EML6: variants seen among roughly 807,000 people sequenced by gnomAD.
EML6 encodes EMAP like 6.
Under a neutral mutation model 240.1 loss-of-function variants are expected in EML6, and 154 were observed. The observed-to-expected ratio is 0.64, with a 90% CI of 0.56 to 0.73. The LOEUF is 0.73. Among genes scored for constraint, EML6 ranks in the 30% least tolerant of loss-of-function variants. The pLI is 0.00. For missense variants in EML6, 2,964 were observed against 2,474.6 expected (o/e 1.20, Z -4.20); for synonymous variants, 1,148 against 899.0 (o/e 1.28, Z -4.95).
At chr2:54,927,179 C>A (rs1022555180) in intron 26 of EML6, among the ~76,000 whole-genome samples, 2 of 152,206 alleles carry the variant, frequency 1.3e-5, no homozygotes, top group African/African-American at 4.8e-5. Context: ...CTGTTTGCTT[C>A]AGGAATCTTT....
chr2:54,854,239 C>T (rs12713280), intron 11 of EML6, among the ~76,000 whole-genome samples: 33,464 of 152,028 alleles, frequency 0.22, 4,039 homozygotes, highest in Middle Eastern at 0.29. Flanking sequence ...CAAAGGAAAT[C>T]CTTTCAGACA....
intron 16 of EML6, among the ~76,000 whole-genome samples, chr2:54,876,133 G>C (rs974944372): frequency 6.6e-6 from 1 of 152,120 alleles, no homozygotes; most frequent in Non-Finnish European, 1.5e-5. Context: ...AGATGGGAAA[G>C]GACATTACCT....
At chr2:54,938,885 TG>T (rs1256984970) in intron 28 of EML6, among the ~76,000 whole-genome samples, 1 of 152,216 alleles carries the variant, frequency 6.6e-6, no homozygotes, top group African/African-American at 2.4e-5. Flanking sequence ...TTTCTGTTGG[TG>T]GGAGACCTGG....
chr2:54,750,867 A>G (rs1684131773), intron 2 of EML6, among the ~76,000 whole-genome samples: 1 of 152,220 alleles, frequency 6.6e-6, no homozygotes, highest in Non-Finnish European at 1.5e-5. Flanking sequence ...TTGTCCGATC[A>G]GTGCAAGAAA....
At chr2:54,876,323 C>CG (rs1671505876) in intron 16 of EML6, among the ~76,000 whole-genome samples, 1 of 152,100 alleles carries the variant, frequency 6.6e-6, no homozygotes, top group South Asian at 2.1e-4. Context: ...CCGCAGAACT[C>CG]GGGGAAGTCA....
At chr2:54,907,799 A>G (rs907777271) in intron 24 of EML6, among the ~76,000 whole-genome samples, 28 of 152,210 alleles carry the variant, frequency 1.8e-4, no homozygotes, top group African/African-American at 6.8e-4. Flanking sequence ...CTGTTATTCA[A>G]GAGCAATTAT....
intron 2 of EML6, among the ~76,000 whole-genome samples, chr2:54,759,099 T>C (rs996637301): frequency 2.0e-5 from 3 of 151,738 alleles, no homozygotes; most frequent in African/African-American, 7.3e-5. Context: ...CTCCATTAGG[T>C]GGATGTTTTC....
At chr2:54,924,421 A>C (rs1674431676) in intron 26 of EML6, among the ~76,000 whole-genome samples, 2 of 152,018 alleles carry the variant, frequency 1.3e-5, no homozygotes, top group Non-Finnish European at 2.9e-5. Flanking sequence ...CATTGTTTTA[A>C]ATTATCTTTT....
At chr2:54,878,098 A>G (rs547630261) in intron 16 of EML6, among the ~76,000 whole-genome samples, 2 of 152,240 alleles carry the variant, frequency 1.3e-5, no homozygotes, top group African/African-American at 4.8e-5. Flanking sequence ...AATAAGGATA[A>G]ATATGTAATA....
At chr2:54,920,982 A>G (rs1271194662) in intron 26 of EML6, among the ~76,000 whole-genome samples, 2 of 152,104 alleles carry the variant, frequency 1.3e-5, no homozygotes, top group African/African-American at 2.4e-5. Flanking sequence ...AAACACTTCA[A>G]TTAGATATAG....
chr2:54,969,767 C>T (rs1051590877), intron 41 of EML6, among the ~76,000 whole-genome samples: 3 of 152,148 alleles, frequency 2.0e-5, no homozygotes, highest in African/African-American at 7.2e-5. Flanking sequence ...GGTGATAAAC[C>T]TTTTCAATAG....
At chr2:54,941,231 C>G (rs1312228959) in intron 28 of EML6, among the ~76,000 whole-genome samples, 1 of 152,098 alleles carries the variant, frequency 6.6e-6, no homozygotes, top group Non-Finnish European at 1.5e-5. Context: ...TATCTTTCAC[C>G]TCGAACATTT....
intron 13 of EML6, among the ~76,000 whole-genome samples, chr2:54,865,941 A>G (rs1670948708): frequency 6.6e-6 from 1 of 152,194 alleles, no homozygotes; most frequent in African/African-American, 2.4e-5. Flanking sequence ...CTCTAAAGTA[A>G]ATAGTTGGTG....
At chr2:54,958,997 T>C in intron 33 of EML6, 107 bp from the exon 34 acceptor site, 1 of 1,073,318 alleles carries the variant, frequency 9.3e-7, no homozygotes, top group Non-Finnish European at 1.3e-6. Context: ...TCAAACTGCC[T>C]AGGCTGTCTG....
At chr2:54,822,909 T>A (rs542226458) in intron 5 of EML6, among the ~76,000 whole-genome samples, 1 of 152,238 alleles carries the variant, frequency 6.6e-6, no homozygotes, top group Non-Finnish European at 1.5e-5. Context: ...ATCAACACTT[T>A]AGGGCTTCAT....
chr2:54,938,083 C>T lies in EML6; in HGVS notation c.4004+9332C>T, dbSNP rs141165978. Among the ~76,000 whole-genome samples the T allele has an allele frequency of 4.3e-3, 657 of 152,284 alleles. 3 individuals are homozygous for T. The highest frequency in any genetic ancestry group is 7.2e-3 in the Non-Finnish European group (492 of 68,028). On this transcript the variant is annotated intron_variant, in intron 28 of 41. Transcript: ENST00000356458. ...AGGTGGGGCCAGGTGCTGTGGCTCA[C>T]GCCTGTAATCCTAGCACATTGGGAG...
Position 54,856,759 on chromosome 2 carries a change from A to T in EML6, c.1658-2775A>T, listed in dbSNP as rs557742998. On this transcript the variant is annotated intron_variant, in intron 11 of 41. Coordinates refer to ENST00000356458, the MANE Select transcript of EML6 (RefSeq NM_001039753.4). ...CTACTAGAAATCAGAGTCGTCTTCTAAGTGCAATGAAAAACTATGGATGGT... is the reference window on the plus strand; with the variant it reads ...CTACTAGAAATCAGAGTCGTCTTCTTAGTGCAATGAAAAACTATGGATGGT... Among the ~76,000 whole-genome samples, 356 of 152,328 alleles carry T rather than the reference A, an allele frequency of 2.3e-3. 1 individual carries two copies. The highest frequency in any genetic ancestry group is 4.7e-3 in the African/African-American group (197 of 41,574).
At chr2:54,728,626 G>T (rs1200282516) in intron 2 of EML6, among the ~76,000 whole-genome samples, 1 of 152,196 alleles carries the variant, frequency 6.6e-6, no homozygotes, top group African/African-American at 2.4e-5. Context: ...TACCTAAACT[G>T]CAGAGTTGTA....
chr2:54,734,919 C>T (rs566169471), intron 2 of EML6, among the ~76,000 whole-genome samples: 1 of 152,316 alleles, frequency 6.6e-6, no homozygotes, highest in South Asian at 2.1e-4. Flanking sequence ...AGATGTTCTC[C>T]ACGGTCTATT....
Sources: allele counts gnomAD v4.1 joint callset (sites outside exome capture counted in the v4.1 genomes callset), GRCh38; gene constraint gnomAD v4.1.1; transcripts MANE v1.5; gene names NCBI Gene and HGNC (gene_info 2026-07-23, HGNC 2026-07-21).